Variants in DIP2C observed in about 807,000 individuals in gnomAD.
DIP2C encodes disco-interacting protein 2 homolog C.
A neutral mutation model predicts 192.4 loss-of-function variants in DIP2C; 33 were observed. That is an observed-to-expected ratio of 0.17 (90% confidence interval 0.13 to 0.23). The LOEUF is 0.23. Among genes scored for constraint, DIP2C ranks in the 10% least tolerant of loss-of-function variants. The probability of loss-of-function intolerance (pLI) is 1.00; values close to 1 mark genes in which losing one functional copy is unlikely to be tolerated. For missense variants in DIP2C, 1,537 were observed against 2,110.1 expected (o/e 0.73, Z 5.32); for synonymous variants, 979 against 864.1 (o/e 1.13, Z -2.33).
chr10:284,650 G>A (rs1955004438), intron 34 of DIP2C, among the ~76,000 whole-genome samples: 1 of 152,126 alleles, frequency 6.6e-6, no homozygotes, highest in Non-Finnish European at 1.5e-5. Context: ...GGGCAAACAG[G>A]TTATGGGGAG....
intron 36 of DIP2C, among the ~76,000 whole-genome samples, chr10:278,754 A>G (rs1238098965): frequency 6.6e-6 from 1 of 152,244 alleles, no homozygotes; most frequent in Non-Finnish European, 1.5e-5. Flanking sequence ...CCCAACTGGC[A>G]GAAGCAAAAA....
At chr10:485,328 G>A (rs1168756784) in intron 2 of DIP2C, among the ~76,000 whole-genome samples, 1 of 152,198 alleles carries the variant, frequency 6.6e-6, no homozygotes, top group Non-Finnish European at 1.5e-5. Flanking sequence ...AGAGAATGAG[G>A]GAGGGGGCGC....
chr10:556,785 A>G (rs754305438), intron 1 of DIP2C, among the ~76,000 whole-genome samples: 1 of 152,174 alleles, frequency 6.6e-6, no homozygotes, highest in Non-Finnish European at 1.5e-5. Context: ...CGAAAGACAG[A>G]AAACCACCCT....
intron 17 of DIP2C, among the ~76,000 whole-genome samples, chr10:378,448 CGT>C (rs900826214): frequency 1.3e-4 from 20 of 152,178 alleles, no homozygotes; most frequent in African/African-American, 4.1e-4. Context: ...CATAAAGACA[CGT>C]GAACACAAAC....
At chr10:443,342 T>C (rs1967899832) in intron 3 of DIP2C, among the ~76,000 whole-genome samples, 1 of 152,242 alleles carries the variant, frequency 6.6e-6, no homozygotes, top group Non-Finnish European at 1.5e-5. Context: ...CAATATGAAC[T>C]CATGGAGTCT....
intron 3 of DIP2C, among the ~76,000 whole-genome samples, chr10:461,461 G>A (rs927274760): frequency 3.3e-5 from 5 of 152,094 alleles, no homozygotes; most frequent in African/African-American, 9.7e-5. Flanking sequence ...AATGGCAAAG[G>A]GATCAATACA....
At position 423,079 on chromosome 10, in the gene DIP2C, T is replaced by G. The variant is rs1455874309; in HGVS notation, c.395-46A>C. 2.0e-6 allele frequency: 3 copies of G among 1,519,444 alleles called. No individual in the cohort carries two copies. In the South Asian group the frequency reaches 3.8e-5, roughly 19 times the overall value. The allele number at this position is 1,519,444 out of a possible 1,614,324, so 94.1% of individuals were successfully genotyped here. The stretch of plus-strand genomic sequence containing the variant: ...TTTGCTGTATGTTGCAGCAAAAACG[T>G]GCACCACAATCTCAGTCCCTCGCCA... On this transcript the variant is annotated intron_variant, in intron 4 of 36. Coordinates refer to ENST00000280886, the MANE Select transcript of DIP2C (RefSeq NM_014974.3).
intron 9 of DIP2C, among the ~76,000 whole-genome samples, chr10:401,315 T>G: frequency 6.6e-6 from 1 of 151,844 alleles, no homozygotes; most frequent in Non-Finnish European, 1.5e-5. Context: ...GTTTGGTATG[T>G]GTTCATCAGC....
At chr10:303,130 C>T (rs952540692) in intron 32 of DIP2C, among the ~76,000 whole-genome samples, 11 of 152,118 alleles carry the variant, frequency 7.2e-5, no homozygotes, top group East Asian at 1.9e-4. Context: ...ACACTGTACT[C>T]GTGAGCCAAG....
In DIP2C at chr10:469,967, C is replaced by A. The variant is rs148057277; in HGVS notation, c.268+2472G>T. Among the ~76,000 whole-genome samples the A allele has an allele frequency of 3.4e-3, 510 of 152,140 alleles. 3 individuals carry two copies. The highest frequency in any genetic ancestry group is 0.012 in the African/African-American group (486 of 41,478). On this transcript the variant is annotated intron_variant, in intron 3 of 36. Transcript: ENST00000280886. The stretch of plus-strand genomic sequence containing the variant: ...GAACAGAGATCCTGGCCTGTGTGGA[C>A]CTCGTATTCTTATGGAAGAAAGTGA...
chr10:525,211 TATA>T (rs991071428), intron 1 of DIP2C, among the ~76,000 whole-genome samples: 23 of 152,336 alleles, frequency 1.5e-4, no homozygotes, highest in Admixed American at 1.5e-3. Flanking sequence ...ATTTTCATTT[TATA>T]ATTTCAAAAT....
At chr10:424,355 G>GTTTTTTTTT (rs557255878) in intron 4 of DIP2C, among the ~76,000 whole-genome samples, 9 of 83,110 alleles carry the variant, frequency 1.1e-4, no homozygotes, top group African/African-American at 3.6e-4. Flanking sequence ...ATCACCTTGG[G>GTTTTTTTTT]TTTTTTTTTT....
chr10:519,714 T>C (rs979040854), intron 1 of DIP2C, among the ~76,000 whole-genome samples: 1 of 152,222 alleles, frequency 6.6e-6, no homozygotes, highest in Non-Finnish European at 1.5e-5. Flanking sequence ...GCACCTGAGC[T>C]CATTAGGGAC....
intron 29 of DIP2C, among the ~76,000 whole-genome samples, chr10:332,877 C>T (rs1957564983): frequency 6.6e-6 from 1 of 152,182 alleles, no homozygotes; most frequent in African/African-American, 2.4e-5. Context: ...TCTCCCTACA[C>T]ACTTGAGTTA....
At chr10:334,426 CTT>C (rs1957657484) in intron 29 of DIP2C, among the ~76,000 whole-genome samples, 1 of 149,072 alleles carries the variant, frequency 6.7e-6, no homozygotes, top group Non-Finnish European at 1.5e-5. Flanking sequence ...TTAATTCTGT[CTT>C]TTGATATACA....
intron 1 of DIP2C, among the ~76,000 whole-genome samples, chr10:517,847 G>T (rs987742072): frequency 6.6e-6 from 1 of 150,802 alleles, no homozygotes; most frequent in Admixed American, 6.6e-5. Flanking sequence ...TTAACAAGAG[G>T]GTCCTGTAAC....
At chr10:638,593 T>C (rs1370932039) in intron 1 of DIP2C, among the ~76,000 whole-genome samples, 1 of 152,198 alleles carries the variant, frequency 6.6e-6, no homozygotes, top group East Asian at 1.9e-4. Flanking sequence ...TCAAGCACTA[T>C]CACCTAGAAC....
At chr10:679,431 G>C (rs111761443) in intron 1 of DIP2C, among the ~76,000 whole-genome samples, 14,290 of 18,150 alleles carry the variant, frequency 0.79, 6,181 homozygotes, top group Non-Finnish European at 0.92. Context: ...GCGCCCATCT[G>C]TACTCCCCAC....
chr10:590,814 C>G (rs778468836), intron 1 of DIP2C, among the ~76,000 whole-genome samples: 4 of 152,138 alleles, frequency 2.6e-5, no homozygotes, highest in Non-Finnish European at 4.4e-5. Flanking sequence ...GGCAGGTCGT[C>G]CTAAGGTCTC....
Sources: gnomAD v4.1 joint callset for allele counts (sites outside exome capture counted in the v4.1 genomes callset) on GRCh38, gnomAD v4.1.1 for gene constraint, MANE v1.5 for transcripts, NCBI Gene and HGNC (gene_info 2026-07-23, HGNC 2026-07-21) for gene names.